ADGRV1: variants seen among roughly 807,000 people sequenced by gnomAD.
The protein encoded by ADGRV1 is adhesion G protein-coupled receptor V1.
ADGRV1 carries 359 observed loss-of-function variants against 596.2 expected under a neutral mutation model. The ratio of observed to expected loss-of-function variants is 0.60; its 90% CI spans 0.55 to 0.66. ADGRV1 has a LOEUF of 0.66. Among genes scored for constraint, ADGRV1 ranks in the 30% least tolerant of loss-of-function variants. The probability of loss-of-function intolerance (pLI) is 0.00; values close to 1 mark genes in which losing one functional copy is unlikely to be tolerated. For synonymous variants in ADGRV1, 2,681 were observed against 2,679.2 expected, an observed-to-expected ratio of 1.00 and a Z score of -0.02; for missense variants, 7,274 against 7,575.6, an observed-to-expected ratio of 0.96 and a Z score of 1.48.
At chr5:90,709,457 AC>A (rs1384209659) in intron 39 of ADGRV1, among the ~76,000 whole-genome samples, 1 of 152,092 alleles carries the variant, frequency 6.6e-6, no homozygotes, top group Non-Finnish European at 1.5e-5. Context: ...TTAAACACAA[AC>A]TCCTCTTTCA....
At chr5:90,752,017 C>A (rs1755313810) in intron 53 of ADGRV1, among the ~76,000 whole-genome samples, 1 of 152,056 alleles carries the variant, frequency 6.6e-6, no homozygotes, top group Non-Finnish European at 1.5e-5. Context: ...TTAATTATTT[C>A]ATTCAGGGAG....
At chr5:90,991,536 C>T (rs1035148395) in intron 85 of ADGRV1, among the ~76,000 whole-genome samples, 25 of 152,140 alleles carry the variant, frequency 1.6e-4, no homozygotes, top group Non-Finnish European at 2.8e-4. Context: ...TTTCCCACCT[C>T]CCAAAGTGCT....
intron 45 of ADGRV1, among the ~76,000 whole-genome samples, chr5:90,724,381 C>T (rs2149792420): frequency 6.6e-6 from 1 of 152,194 alleles, no homozygotes; most frequent in East Asian, 1.9e-4. Context: ...AGGCGCACAC[C>T]ATCATGCCCA....
intron 49 of ADGRV1, among the ~76,000 whole-genome samples, chr5:90,729,423 A>G (rs1752237922): frequency 6.6e-6 from 1 of 152,218 alleles, no homozygotes; most frequent in South Asian, 2.1e-4. Context: ...TTCTTTCTTT[A>G]ACATTATATC....
At chr5:90,860,649 A>G (rs540852796) in intron 82 of ADGRV1, among the ~76,000 whole-genome samples, 1 of 152,218 alleles carries the variant, frequency 6.6e-6, no homozygotes, top group South Asian at 2.1e-4. Context: ...CAGTTTTTGA[A>G]ATTAAAATTA....
chr5:90,834,519 C>G (rs530750500), intron 77 of ADGRV1, among the ~76,000 whole-genome samples: 5 of 152,082 alleles, frequency 3.3e-5, no homozygotes, highest in Non-Finnish European at 7.4e-5. Flanking sequence ...TATGGGAGCT[C>G]CACTCTATGT....
At chr5:91,159,168 A>G (rs1249811714) in intron 89 of ADGRV1, among the ~76,000 whole-genome samples, 3 of 152,142 alleles carry the variant, frequency 2.0e-5, no homozygotes, top group East Asian at 1.9e-4. Flanking sequence ...TTCTCTTTTT[A>G]ATTATGTTAA....
At chr5:90,717,946 G>A (rs1038399970) in intron 43 of ADGRV1, 15 of 152,246 alleles carry the variant, frequency 9.9e-5, no homozygotes, top group African/African-American at 3.4e-4. Flanking sequence ...CCACTGTGCC[G>A]GGCCTGTGAT....
intron 85 of ADGRV1, among the ~76,000 whole-genome samples, chr5:90,989,120 T>C (rs1465335829): frequency 6.6e-6 from 1 of 152,066 alleles, no homozygotes; most frequent in Admixed American, 6.5e-5. Context: ...TGTGTCTTTA[T>C]AGCAGCATGA....
Position 90,694,372 on chromosome 5 carries a change from T to C in ADGRV1, c.7616T>C (p.Leu2539Pro), listed in dbSNP as rs370325599. ...DDFPEMDESF[L>P]ISLLEVHLMN... Reference sequence around the variant, plus strand: ...TTCCCAGAGATGGATGAGAGTTTTCTAATTTCTCTCCTTGAAGTTCACCTC... The same window carrying C: ...TTCCCAGAGATGGATGAGAGTTTTCCAATTTCTCTCCTTGAAGTTCACCTC... The change falls in exon 33 of 90, where the codon CTA becomes CCA. Residue 2539 changes from leucine to proline, a missense_variant. Coordinates refer to ENST00000405460, the MANE Select transcript of ADGRV1 (RefSeq NM_032119.4). 1.3e-5 allele frequency: 21 copies of C among 1,613,886 alleles called. No individual in the cohort carries two copies. The African/African-American group carries it at 2.5e-4, about 19-fold the overall frequency.
chr5:90,751,072 C>T (rs1294235438), intron 53 of ADGRV1, among the ~76,000 whole-genome samples: 1 of 151,996 alleles, frequency 6.6e-6, no homozygotes, highest in Non-Finnish European at 1.5e-5. Context: ...GTAAAACAGT[C>T]GGACTTATGA....
At chr5:90,937,110 A>C (rs116700294) in intron 83 of ADGRV1, among the ~76,000 whole-genome samples, 1,814 of 152,228 alleles carry the variant, frequency 0.012, 32 homozygotes, top group African/African-American at 0.042. Context: ...CTCCAGTTTC[A>C]TTACAATATA....
chr5:90,890,903 G>A (rs925679331), intron 83 of ADGRV1, among the ~76,000 whole-genome samples: 1 of 151,952 alleles, frequency 6.6e-6, no homozygotes, highest in African/African-American at 2.4e-5. Context: ...CTGATAAAGA[G>A]TAAAGTTGAA....
At position 90,934,985 on chromosome 5, in the gene ADGRV1, C is replaced by T. The variant is rs369995195; in HGVS notation, c.17857-30430C>T. On this transcript the variant is annotated intron_variant, in intron 83 of 89. Coordinates refer to ENST00000405460, the MANE Select transcript of ADGRV1 (RefSeq NM_032119.4). ...ATCCAACCTCATCTAAACCTAATTA[C>T]CTCCTAGAAGCCCCATCTCTAGTTA... 3.1e-3 allele frequency among the ~76,000 whole-genome samples: 469 copies of T among 152,202 alleles called. 1 individual carries two copies. Among genetic ancestry groups the T allele is most frequent in the African/African-American group, 0.011 (454 of 41,552 alleles).
chr5:90,774,234 T>C lies in ADGRV1; in HGVS notation c.12334T>C (p.Leu4112=). Residue 4112 remains leucine, a synonymous_variant, in exon 60 of 90, where the codon TTG becomes CTG. Coordinates refer to ENST00000405460, the MANE Select transcript of ADGRV1 (RefSeq NM_032119.4). The part of the protein sequence containing the change: ...IVLHTLQDTV[L]EEDRRFTIQL... ...GTTGCACACACTTCAAGACACAGTG[T>C]TGGAGGAGGACAGGCGTTTCACCAT... is the stretch of plus-strand genomic sequence containing the variant. 6.2e-7 allele frequency: 1 copy of C among 1,611,740 alleles called. No individual in the cohort carries two copies. The highest frequency in any genetic ancestry group is 8.5e-7 in the Non-Finnish European group (1 of 1,178,058).
rs1160656214 is a variant in ADGRV1, at chr5:90,788,202, A to G, written c.13785A>G (p.Thr4595=). The change falls in exon 68 of 90, where the codon ACA becomes ACG. Residue 4595 remains threonine, a synonymous_variant. Transcript: ENST00000405460. ...GEGGVRTIIL[T]IYPHEEIEVE... Reference sequence around the variant, plus strand: ...GAGGAGTGAGAACCATAATTCTGACAATCTATCCTCATGAAGAAATTGAAG... The same window carrying G: ...GAGGAGTGAGAACCATAATTCTGACGATCTATCCTCATGAAGAAATTGAAG... 2.5e-6 allele frequency: 4 copies of G among 1,613,834 alleles called. No homozygotes were observed. The highest frequency in any genetic ancestry group is 3.4e-6 in the Non-Finnish European group (4 of 1,179,762).
In ADGRV1 at chr5:90,685,887, C is replaced by A. The variant is rs727504561; in HGVS notation, c.6382C>A (p.Arg2128=). 9 of 1,612,072 alleles carry A rather than the reference C, an allele frequency of 5.6e-6. No homozygotes were observed. The Admixed American group carries it at 1.5e-4, about 27-fold the overall frequency. Residue 2128 remains arginine, a synonymous_variant, in exon 29 of 90, where the codon CGA becomes AGA. Transcript: ENST00000405460. The part of the protein sequence containing the change: ...GTLQLSAPIV[R]VAENHVGPII... ...TCTTCAGCTCTCAGCACCAATTGTCCGAGTGGCAGAAAATCATGTTGGACC... is the reference window on the plus strand; with the variant it reads ...TCTTCAGCTCTCAGCACCAATTGTCAGAGTGGCAGAAAATCATGTTGGACC...
intron 78 of ADGRV1, among the ~76,000 whole-genome samples, chr5:90,846,949 C>T (rs1352823442): frequency 6.6e-6 from 1 of 152,060 alleles, no homozygotes; most frequent in Non-Finnish European, 1.5e-5. Context: ...CTCCATGTCC[C>T]CACTAGATTA....
intron 86 of ADGRV1, among the ~76,000 whole-genome samples, chr5:91,087,296 T>A (rs1362900765): frequency 6.6e-6 from 1 of 150,580 alleles, no homozygotes; most frequent in Admixed American, 6.6e-5. Context: ...TTTGTTGTTG[T>A]TTTTTGTTTT....
Sources: gnomAD v4.1 joint callset for allele counts (sites outside exome capture counted in the v4.1 genomes callset) on GRCh38, gnomAD v4.1.1 for gene constraint, MANE v1.5 for transcripts, NCBI Gene and HGNC (gene_info 2026-07-23, HGNC 2026-07-21) for gene names.